The following STXBP6 variants were observed in gnomAD, a reference collection of about 807,000 sequenced individuals.
STXBP6 encodes syntaxin-binding protein 6.
A neutral mutation model predicts 26.9 loss-of-function variants in STXBP6; 21 were observed. That is an observed-to-expected ratio of 0.78 (90% CI 0.55 to 1.12). The LOEUF (loss-of-function observed/expected upper bound fraction) is 1.12, where lower values mean the gene tolerates loss of function less well. Ranked by LOEUF, STXBP6 falls within the 50% of genes most tolerant of loss-of-function variation. The pLI is 0.00. For synonymous variants in STXBP6, 97 were observed against 92.6 expected (o/e 1.05, Z -0.27); for missense variants, 232 against 257.9 (o/e 0.90, Z 0.69).
chr14:24,812,724 C>T lies in STXBP6; in HGVS notation c.618G>A (p.Met206Ile), dbSNP rs1166080816. Residue 206 changes from methionine to isoleucine, a missense_variant, in exon 6 of 6, where the codon ATG becomes ATA. Transcript: ENST00000323944. ...AGGCAGTTTCTCAACATTTGTGCTT[C>T]ATGGCAAGCTAAGGAGAGAGAGGAA... is the stretch of plus-strand genomic sequence containing the variant. ...QFAETAHKLA[M>I]KHKC 6.2e-7 allele frequency: 1 copy of T among 1,613,682 alleles called. No individual in the cohort carries two copies. The highest frequency in any genetic ancestry group is 1.3e-5 in the African/African-American group (1 of 74,916).
rs1011598608 is a variant in STXBP6 at position 25,035,605 on chromosome 14, C to A, written c.-33+14273G>T. Among the ~76,000 whole-genome samples, 11 of 152,240 alleles carry A rather than the reference C, an allele frequency of 7.2e-5. No homozygotes were observed. In the East Asian group the frequency reaches 2.1e-3, roughly 29 times the overall value. On this transcript the variant is annotated intron_variant, in intron 1 of 5. Transcript: ENST00000323944. Reference sequence around the variant, plus strand: ...CTGCTTCTTAGTGACACCTGGAATTCTTTACAGGAATTAAATGTGGCATAA... The same window carrying A: ...CTGCTTCTTAGTGACACCTGGAATTATTTACAGGAATTAAATGTGGCATAA...
At chr14:25,038,677 G>A (rs2075592896) in intron 1 of STXBP6, among the ~76,000 whole-genome samples, 1 of 152,136 alleles carries the variant, frequency 6.6e-6, no homozygotes, top group Admixed American at 6.5e-5. Context: ...GAGGGTAGGA[G>A]GAGGGAGAAG....
At chr14:24,923,177 G>T (rs950437189) in intron 2 of STXBP6, among the ~76,000 whole-genome samples, 1 of 151,894 alleles carries the variant, frequency 6.6e-6, no homozygotes, top group Non-Finnish European at 1.5e-5. Flanking sequence ...TTCATATTTA[G>T]ATATATATAA....
chr14:24,846,222 C>T (rs1229139355), intron 4 of STXBP6, among the ~76,000 whole-genome samples: 1 of 152,158 alleles, frequency 6.6e-6, no homozygotes, highest in African/African-American at 2.4e-5. Context: ...ATTTGATGTT[C>T]AGTTATAAAA....
chr14:25,047,217 G>A (rs1049719906), intron 1 of STXBP6, among the ~76,000 whole-genome samples: 1 of 152,114 alleles, frequency 6.6e-6, no homozygotes, highest in Admixed American at 6.5e-5. Flanking sequence ...AATTATAAAG[G>A]TCACCAATCC....
At chr14:24,926,857 A>G (rs956748141) in intron 2 of STXBP6, among the ~76,000 whole-genome samples, 2 of 152,158 alleles carry the variant, frequency 1.3e-5, no homozygotes, top group African/African-American at 4.8e-5. Flanking sequence ...TGGGGGATCA[A>G]ATGAGTTAAT....
At chr14:24,936,213 C>T (rs2139947210) in intron 2 of STXBP6, among the ~76,000 whole-genome samples, 1 of 152,288 alleles carries the variant, frequency 6.6e-6, no homozygotes, top group Non-Finnish European at 1.5e-5. Context: ...TACTTGAACA[C>T]TTGCTGTTTG....
intron 2 of STXBP6, among the ~76,000 whole-genome samples, chr14:24,929,664 T>G (rs994560150): frequency 7.2e-5 from 11 of 152,220 alleles, no homozygotes; most frequent in Admixed American, 6.5e-4. Context: ...TTAGATATTT[T>G]TATATCAGTA....
chr14:25,007,677 A>G (rs1163411013), intron 1 of STXBP6, among the ~76,000 whole-genome samples: 2 of 152,262 alleles, frequency 1.3e-5, no homozygotes, highest in African/African-American at 2.4e-5. Context: ...AGAAATGCTC[A>G]GTAAACATTA....
intron 2 of STXBP6, among the ~76,000 whole-genome samples, chr14:24,897,069 A>T (rs2071017679): frequency 6.6e-6 from 1 of 152,158 alleles, no homozygotes. Flanking sequence ...TTAGGCCCAC[A>T]TTTTAGAAAT....
intron 1 of STXBP6, among the ~76,000 whole-genome samples, chr14:25,026,419 G>A (rs1301164245): frequency 6.6e-6 from 1 of 152,152 alleles, no homozygotes; most frequent in Non-Finnish European, 1.5e-5. Flanking sequence ...TTTTTAGAAA[G>A]GTAATATGGT....
chr14:24,983,797 G>T (rs2074258852), intron 1 of STXBP6, among the ~76,000 whole-genome samples: 1 of 152,082 alleles, frequency 6.6e-6, no homozygotes, highest in African/African-American at 2.4e-5. Context: ...TTTTGGAAAA[G>T]ACTTAAAATA....
chr14:24,822,379 T>C (rs949224935), intron 4 of STXBP6, among the ~76,000 whole-genome samples: 3 of 152,190 alleles, frequency 2.0e-5, no homozygotes, highest in Admixed American at 2.0e-4. Flanking sequence ...ACCACATCTA[T>C]GATAATTACT....
chr14:24,973,031 C>T (rs1595224047), intron 2 of STXBP6, among the ~76,000 whole-genome samples: 2 of 152,022 alleles, frequency 1.3e-5, no homozygotes, highest in East Asian at 3.9e-4. Flanking sequence ...GCAGGAGGAT[C>T]GATTGAACCC....
chr14:24,924,793 T>A (rs187778870), intron 2 of STXBP6, among the ~76,000 whole-genome samples: 7 of 152,296 alleles, frequency 4.6e-5, no homozygotes, highest in Non-Finnish European at 1.5e-5. Flanking sequence ...CAGTCTCACA[T>A]GTCAGATTAC....
chr14:24,845,360 A>G (rs2068927676), intron 4 of STXBP6, among the ~76,000 whole-genome samples: 1 of 152,194 alleles, frequency 6.6e-6, no homozygotes, highest in Non-Finnish European at 1.5e-5. Flanking sequence ...TAAAAAACCC[A>G]TGTAATTATT....
chr14:24,900,181 C>G (rs1022023733), intron 2 of STXBP6, among the ~76,000 whole-genome samples: 8 of 152,126 alleles, frequency 5.3e-5, no homozygotes, highest in African/African-American at 1.9e-4. Flanking sequence ...AAGAGAAAGG[C>G]ATATTTCTGT....
intron 2 of STXBP6, among the ~76,000 whole-genome samples, chr14:24,973,015 G>A (rs2073944744): frequency 6.6e-6 from 1 of 152,188 alleles, no homozygotes; most frequent in African/African-American, 2.4e-5. Context: ...CTCTTGGGAG[G>A]CTGAGGCAGG....
intron 4 of STXBP6, among the ~76,000 whole-genome samples, chr14:24,825,022 A>G (rs1041097317): frequency 6.6e-6 from 1 of 152,220 alleles, no homozygotes. Context: ...TCTATGGCAA[A>G]ATGACTTCGT....
Sources: gnomAD v4.1 joint callset for allele counts (sites outside exome capture counted in the v4.1 genomes callset) on GRCh38, gnomAD v4.1.1 for gene constraint, MANE v1.5 for transcripts, NCBI Gene and HGNC (gene_info 2026-07-23, HGNC 2026-07-21) for gene names.